ACER3: variants seen among roughly 807,000 people sequenced by gnomAD.
ACER3 encodes the protein alkCDase 3.
ACER3 carries 16 observed loss-of-function variants against 48.9 expected under a neutral mutation model. That is an observed-to-expected ratio of 0.33 (90% CI 0.22 to 0.50). The LOEUF is 0.50. Among genes scored for constraint, ACER3 ranks in the 20% least tolerant of loss-of-function variants. ACER3 has a pLI of 0.98. For synonymous variants in ACER3, 109 were observed against 107.8 expected, an observed-to-expected ratio of 1.01 and a Z score of -0.07; for missense variants, 227 against 326.0, an observed-to-expected ratio of 0.70 and a Z score of 2.34.
chr11:77,003,134 CATA>C (rs1485028202), intron 7 of ACER3, among the ~76,000 whole-genome samples: 4 of 152,136 alleles, frequency 2.6e-5, no homozygotes, highest in Non-Finnish European at 4.4e-5. Flanking sequence ...AATATTTTAA[CATA>C]ATAAAATGTT....
intron 7 of ACER3, among the ~76,000 whole-genome samples, chr11:77,012,151 G>A (rs1949279167): frequency 6.6e-6 from 1 of 152,078 alleles, no homozygotes; most frequent in South Asian, 2.1e-4. Flanking sequence ...CAGGCGCGGT[G>A]GCTCATGCAT....
intron 4 of ACER3, 61 bp from the exon 5 acceptor site, chr11:76,985,582 A>T: frequency 8.0e-6 from 8 of 994,916 alleles, no homozygotes; most frequent in Non-Finnish European, 1.2e-5. Flanking sequence ...GTAAAGCAGC[A>T]TTCTATTTAT....
chr11:76,902,404 A>G (rs1315055270), intron 1 of ACER3, among the ~76,000 whole-genome samples: 1 of 152,202 alleles, frequency 6.6e-6, no homozygotes, highest in East Asian at 1.9e-4. Flanking sequence ...ATAAAAAGGT[A>G]TTTCACAAAA....
At chr11:76,951,507 T>G (rs1947668894) in intron 2 of ACER3, among the ~76,000 whole-genome samples, 1 of 152,220 alleles carries the variant, frequency 6.6e-6, no homozygotes, top group African/African-American at 2.4e-5. Context: ...ACCAAAATGC[T>G]TTCTGAATTC....
chr11:76,992,573 C>G (rs1167442302), intron 6 of ACER3, among the ~76,000 whole-genome samples: 1 of 152,042 alleles, frequency 6.6e-6, no homozygotes, highest in African/African-American at 2.4e-5. Context: ...GTGTCCTAGG[C>G]CTAGAGATTA....
chr11:77,019,595 T>C, intron 9 of ACER3, 136 bp from the exon 10 acceptor site: 3 of 739,418 alleles, frequency 4.1e-6, no homozygotes, highest in Non-Finnish European at 7.0e-6. Context: ...AAACAGTTGC[T>C]GAACAAATGA....
chr11:76,863,587 A>C (rs1180988368), intron 1 of ACER3, among the ~76,000 whole-genome samples: 1 of 152,194 alleles, frequency 6.6e-6, no homozygotes. Context: ...ATTAATAATA[A>C]TATGTTTAAA....
intron 10 of ACER3, 52 bp from the exon 11 acceptor site, chr11:77,020,222 A>C: frequency 6.3e-7 from 1 of 1,578,016 alleles, no homozygotes; most frequent in Admixed American, 1.7e-5. Context: ...TTCAGGGATA[A>C]CATGGAACAA....
chr11:76,940,161 T>TA (rs1565189612), intron 2 of ACER3, among the ~76,000 whole-genome samples: 1 of 151,998 alleles, frequency 6.6e-6, no homozygotes, highest in East Asian at 1.9e-4. Context: ...TTTTTTTTTT[T>TA]AAATAGAGAT....
At chr11:76,940,098 A>G (rs564396427) in intron 2 of ACER3, among the ~76,000 whole-genome samples, 15 of 152,232 alleles carry the variant, frequency 9.9e-5, no homozygotes, top group African/African-American at 2.6e-4. Context: ...CTTACTTTCA[A>G]ATAGTTGAGC....
At chr11:76,945,060 C>A (rs903748282) in intron 2 of ACER3, among the ~76,000 whole-genome samples, 2 of 150,112 alleles carry the variant, frequency 1.3e-5, no homozygotes, top group Admixed American at 6.6e-5. Context: ...CAGAATTTCT[C>A]TTTGGTTTTT....
chr11:76,914,646 C>T (rs1946474166), intron 1 of ACER3, among the ~76,000 whole-genome samples: 1 of 152,116 alleles, frequency 6.6e-6, no homozygotes, highest in African/African-American at 2.4e-5. Context: ...GGCGATTCCT[C>T]AAGGATCTAG....
chr11:76,968,616 C>T (rs943809666), intron 3 of ACER3, among the ~76,000 whole-genome samples: 2 of 152,162 alleles, frequency 1.3e-5, no homozygotes, highest in African/African-American at 4.8e-5. Flanking sequence ...TGGAACAGAA[C>T]AGAGCCCTCA....
intron 3 of ACER3, 27 bp downstream of exon 3, chr11:76,959,058 CT>C (rs1437751961): frequency 6.2e-7 from 1 of 1,613,492 alleles, no homozygotes; most frequent in Non-Finnish European, 8.5e-7. Context: ...TTGACAAATG[CT>C]TATTTCTCTT....
At chr11:76,941,037 ACACG>A (rs376161382) in intron 2 of ACER3, among the ~76,000 whole-genome samples, 6,733 of 136,034 alleles carry the variant, frequency 0.049, 238 homozygotes, top group African/African-American at 0.14. Context: ...ACACACACAC[ACACG>A]CACACACACA....
chr11:76,940,572 A>G (rs537367084), intron 2 of ACER3, among the ~76,000 whole-genome samples: 1 of 152,338 alleles, frequency 6.6e-6, no homozygotes, highest in African/African-American at 2.4e-5. Flanking sequence ...GAGTTTTGGA[A>G]TAAGTAAAGC....
At chr11:76,932,510 G>T (rs1947034125) in intron 2 of ACER3, among the ~76,000 whole-genome samples, 1 of 151,890 alleles carries the variant, frequency 6.6e-6, no homozygotes, top group Admixed American at 6.5e-5. Flanking sequence ...CTTTTTTTCT[G>T]GGGTGTTTTC....
rs1303311991 is a variant in ACER3 at position 77,023,529 on chromosome 11, AC to A, written c.*3204del. Reference sequence around the variant, plus strand: ...TTGTTGCTAAATTTGAGTTTTAGCTACCAACGCCATGTTTACGTGACAAGAA... The same window carrying A: ...TTGTTGCTAAATTTGAGTTTTAGCTACAACGCCATGTTTACGTGACAAGAA... On this transcript the variant is annotated 3_prime_UTR_variant, in exon 11 of 11. Transcript: ENST00000532485. The A allele has an allele frequency of 1.7e-5, 4 of 230,872 alleles. No individual in the cohort carries two copies. Among genetic ancestry groups the A allele is most frequent in the African/African-American group, 6.7e-5 (3 of 45,034 alleles). The allele number at this position is 230,872 out of a possible 1,614,324, so 14.3% of individuals were successfully genotyped here.
chr11:76,998,194 AAAAG>A (rs1171984675), intron 6 of ACER3, among the ~76,000 whole-genome samples: 18 of 152,228 alleles, frequency 1.2e-4, no homozygotes, highest in African/African-American at 4.3e-4. Context: ...CTCAATACAG[AAAAG>A]AAAGAAGAGC....
Sources: gnomAD v4.1 joint callset for allele counts (sites outside exome capture counted in the v4.1 genomes callset) on GRCh38, gnomAD v4.1.1 for gene constraint, MANE v1.5 for transcripts, NCBI Gene and HGNC (gene_info 2026-07-23, HGNC 2026-07-21) for gene names.